GRHL2: variants seen among roughly 807,000 people sequenced by gnomAD.
GRHL2 encodes the protein grainyhead like transcription factor 2.
A neutral mutation model predicts 83.8 loss-of-function variants in GRHL2; 21 were observed. The observed-to-expected ratio is 0.25, with a 90% CI of 0.18 to 0.36. The LOEUF is 0.36. Among genes scored for constraint, GRHL2 ranks in the 10% least tolerant of loss-of-function variants. GRHL2 has a pLI of 1.00. For missense variants in GRHL2, 623 were observed against 781.8 expected (o/e 0.80, Z 2.42); for synonymous variants, 280 against 278.9 (o/e 1.00, Z -0.04).
At chr8:101,640,753 A>C (rs957788826) in intron 12 of GRHL2, among the ~76,000 whole-genome samples, 24 of 152,132 alleles carry the variant, frequency 1.6e-4, no homozygotes, top group African/African-American at 5.8e-4. Context: ...GGGCAGTAGT[A>C]TCCTTGGTAG....
chr8:101,542,132 T>A (rs778334242), intron 1 of GRHL2, among the ~76,000 whole-genome samples: 16 of 152,234 alleles, frequency 1.1e-4, no homozygotes, highest in Non-Finnish European at 1.8e-4. Context: ...TTGCTAGTAA[T>A]TTCAAGTATA....
chr8:101,498,251 TG>T (rs1810148327), intron 1 of GRHL2, among the ~76,000 whole-genome samples: 1 of 152,220 alleles, frequency 6.6e-6, no homozygotes, highest in Non-Finnish European at 1.5e-5. Flanking sequence ...CCCCAGTAGC[TG>T]GGATTACAGG....
chr8:101,616,296 G>A (rs1427723554), intron 8 of GRHL2, among the ~76,000 whole-genome samples: 1 of 151,898 alleles, frequency 6.6e-6, no homozygotes, highest in Non-Finnish European at 1.5e-5. Flanking sequence ...TCAGCCTCCT[G>A]AGTAGCTGGG....
In GRHL2 at chr8:101,649,516, T is replaced by A. The variant is rs555736609; in HGVS notation, c.1698+17T>A. 6.3e-7 allele frequency: 1 copy of A among 1,594,728 alleles called. No individual in the cohort carries two copies. Among genetic ancestry groups the A allele is most frequent in the African/African-American group, 1.3e-5 (1 of 74,634 alleles). ...ATGGAAGCGGTAAGCCATATACTCC[T>A]TTCAGCCTCCAGGAAACCTGCTGTG... On this transcript the variant is annotated intron_variant, in intron 14 of 15. Transcript: ENST00000646743.
At chr8:101,550,102 C>CT (rs1340397935) in intron 2 of GRHL2, among the ~76,000 whole-genome samples, 2 of 150,664 alleles carry the variant, frequency 1.3e-5, no homozygotes, top group African/African-American at 4.9e-5. Flanking sequence ...TTTCTTTCTC[C>CT]TTTTTTCCCT....
chr8:101,677,866 C>T, the GRHL2 span, among the ~76,000 whole-genome samples: 2 of 152,072 alleles, frequency 1.3e-5, no homozygotes, highest in African/African-American at 4.8e-5. Context: ...CTGTAGAGAA[C>T]CCTGCTTGAA....
intron 8 of GRHL2, among the ~76,000 whole-genome samples, chr8:101,616,131 T>C (rs549848622): frequency 6.6e-6 from 1 of 150,792 alleles, no homozygotes; most frequent in Non-Finnish European, 1.5e-5. Context: ...TTCTTTCTTT[T>C]TCTTTCTTTC....
chr8:101,631,123 T>TA (rs1267841031), intron 9 of GRHL2, among the ~76,000 whole-genome samples: 1 of 152,230 alleles, frequency 6.6e-6, no homozygotes, highest in African/African-American at 2.4e-5. Flanking sequence ...AAAGTGGTCC[T>TA]ACATCTTGTG....
the GRHL2 span, among the ~76,000 whole-genome samples, chr8:101,679,023 C>T: frequency 7.3e-6 from 1 of 137,578 alleles, no homozygotes; most frequent in Non-Finnish European, 1.5e-5. Context: ...AGCGCCTCTC[C>T]TCCTCCAAAG....
At chr8:101,511,070 C>T (rs562758) in intron 1 of GRHL2, among the ~76,000 whole-genome samples, 12,545 of 151,638 alleles carry the variant, frequency 0.083, 542 homozygotes, top group Middle Eastern at 0.16. Context: ...CACTGCACTC[C>T]GGCCTGGGCA....
intron 6 of GRHL2, among the ~76,000 whole-genome samples, chr8:101,577,035 G>T (rs1043070442): frequency 6.6e-6 from 1 of 151,996 alleles, no homozygotes; most frequent in Non-Finnish European, 1.5e-5. Flanking sequence ...TATGTTTAAG[G>T]AGTAGAAATT....
chr8:101,567,699 T>C (rs1811743970), intron 4 of GRHL2, among the ~76,000 whole-genome samples: 1 of 152,210 alleles, frequency 6.6e-6, no homozygotes, highest in Non-Finnish European at 1.5e-5. Context: ...CATTCATGCA[T>C]TGAAGTGGGA....
At chr8:101,532,805 C>T (rs552796270) in intron 1 of GRHL2, among the ~76,000 whole-genome samples, 1 of 150,324 alleles carries the variant, frequency 6.7e-6, no homozygotes, top group African/African-American at 2.4e-5. Flanking sequence ...AAGATAAAGG[C>T]TATGCTTGTG....
At chr8:101,512,211 AGAGT>A (rs1161802075) in intron 1 of GRHL2, among the ~76,000 whole-genome samples, 1 of 151,938 alleles carries the variant, frequency 6.6e-6, no homozygotes, top group African/African-American at 2.4e-5. Context: ...ACCTGATTTG[AGAGT>A]GAGGAGAAGG....
chr8:101,624,238 C>T (rs563462070), intron 9 of GRHL2, among the ~76,000 whole-genome samples: 15 of 151,010 alleles, frequency 9.9e-5, no homozygotes, highest in South Asian at 2.1e-4. Context: ...TAGGACAGTA[C>T]GCAGTAGGAC....
chr8:101,509,173 T>TCTTTCTTTC (rs377452481), intron 1 of GRHL2, among the ~76,000 whole-genome samples: 5 of 22,838 alleles, frequency 2.2e-4, no homozygotes, highest in Middle Eastern at 0.021. Context: ...TTTCTTTCTT[T>TCTTTCTTTC]TTCTTTCTTT....
At chr8:101,619,775 C>A in intron 9 of GRHL2, 78 bp downstream of exon 9, 2 of 1,128,868 alleles carry the variant, frequency 1.8e-6, no homozygotes, top group Non-Finnish European at 2.6e-6. Flanking sequence ...TTCCTTGTCA[C>A]CTTTGCTTGT....
rs187297226 is a variant in GRHL2 at position 101,618,171 on chromosome 8, C to T, written c.1099-1368C>T. 1.4e-3 allele frequency among the ~76,000 whole-genome samples: 218 copies of T among 152,200 alleles called. 1 individual carries two copies. The highest frequency in any genetic ancestry group is 1.7e-3 in the Non-Finnish European group (117 of 68,002). On this transcript the variant is annotated intron_variant, in intron 8 of 15. Transcript: ENST00000646743. Reference sequence around the variant, plus strand: ...GGGTGCTACACTGATACCTCAATTCCGTGATAAATCACTCTTAAATGGTAT... The same window carrying T: ...GGGTGCTACACTGATACCTCAATTCTGTGATAAATCACTCTTAAATGGTAT...
chr8:101,512,152 C>G (rs1563557748), intron 1 of GRHL2, among the ~76,000 whole-genome samples: 3 of 141,106 alleles, frequency 2.1e-5, no homozygotes, highest in African/African-American at 7.8e-5. Flanking sequence ...GTTATTTTGC[C>G]TTTTTTTTTT....
Sources: gnomAD v4.1 joint callset for allele counts (sites outside exome capture counted in the v4.1 genomes callset) on GRCh38, gnomAD v4.1.1 for gene constraint, MANE v1.5 for transcripts, NCBI Gene and HGNC (gene_info 2026-07-23, HGNC 2026-07-21) for gene names.